Variants in F8 observed in about 807,000 individuals in gnomAD.
The protein encoded by F8 is coagulation factor VIII.
A neutral mutation model predicts 140.6 loss-of-function variants in F8; 12 were observed. The ratio of observed to expected loss-of-function variants is 0.09; its 90% CI spans 0.05 to 0.14. F8 has a LOEUF of 0.14. Ranked by LOEUF, F8 falls within the 10% of genes least tolerant of loss-of-function variation. The pLI is 1.00. For missense variants in F8, 1,354 were observed against 1,720.7 expected, an observed-to-expected ratio of 0.79 and a Z score of 3.77; for synonymous variants, 585 against 614.6, an observed-to-expected ratio of 0.95 and a Z score of 0.71.
chrX:154,843,045 T>G (rs1169067821), intron 25 of F8, among the ~76,000 whole-genome samples: 1 of 111,071 alleles, frequency 9.0e-6, no homozygotes, highest in Non-Finnish European at 1.9e-5. Flanking sequence ...GAACATGCGG[T>G]GTTTGGTTTT....
At chrX:154,978,331 A>G (rs1410655253) in intron 6 of F8, among the ~76,000 whole-genome samples, 11 of 111,254 alleles carry the variant, frequency 9.9e-5, no homozygotes, top group Non-Finnish European at 1.9e-4. Context: ...GTAAACTATG[A>G]TTTTTTTATT....
intron 4 of F8, among the ~76,000 whole-genome samples, chrX:154,989,608 A>C (rs965595061): frequency 6.2e-5 from 7 of 112,298 alleles, no homozygotes; most frequent in Admixed American, 9.5e-5. Context: ...CTAATGGTTA[A>C]TGATGTTGAA....
intron 14 of F8, chrX:154,919,698 G>A: frequency 2.4e-6 from 1 of 418,823 alleles, no homozygotes; most frequent in Non-Finnish European, 4.0e-6. Flanking sequence ...CTGCTCCTGT[G>A]TTGCCAGTCT....
Position 154,966,644 on chromosome X carries a change from T to C in F8, c.1053A>G (p.Glu351=), listed in dbSNP as rs2073425947. The change falls in exon 8 of 26, where the codon GAA becomes GAG. Residue 351 remains glutamate (E), a synonymous_variant. Coordinates refer to ENST00000360256, the MANE Select transcript of F8 (RefSeq NM_000132.4). ...AYVKVDSCPE[E]PQLRMKNNEE... ...CATTATTTTTCATTCGTAGTTGGGGTTCCTCTGGACAGCTGTCTACTTTGA... is the reference window on the plus strand; with the variant it reads ...CATTATTTTTCATTCGTAGTTGGGGCTCCTCTGGACAGCTGTCTACTTTGA... The C allele has an allele frequency of 1.7e-6, 2 of 1,209,650 alleles. No homozygotes were observed. Among genetic ancestry groups the C allele is most frequent in the Admixed American group, 2.2e-5 (1 of 45,714 alleles).
Position 154,860,471 on chromosome X carries a change from G to C in F8, c.6861C>G (p.Gly2287=). 1 of 1,211,032 alleles carries C rather than the reference G, an allele frequency of 8.3e-7. No homozygotes were observed. The highest frequency in any genetic ancestry group is 1.1e-6 in the Non-Finnish European group (1 of 895,065). ...TCTGAAAAAAGAGAGTCCACTGATG[G>C]CCATCTTGACTGCTGGAGATGAGGA... ...KEFLISSSQD[G]HQWTLFFQNG... is the part of the protein sequence containing the mutation. Residue 2287 remains glycine (G), a synonymous_variant, in exon 25 of 26, where the codon GGC becomes GGG. Coordinates refer to ENST00000360256, the MANE Select transcript of F8 (RefSeq NM_000132.4).
At chrX:154,913,109 G>T (rs2073076653) in intron 14 of F8, among the ~76,000 whole-genome samples, 1 of 111,179 alleles carries the variant, frequency 9.0e-6, no homozygotes, top group Non-Finnish European at 1.9e-5. Context: ...TCAATTAATT[G>T]AAAAAATGAA....
rs1313530423 is a variant in F8, at chrX:154,837,513, G to GT, written c.*83dup. On this transcript the variant is annotated 3_prime_UTR_variant, in exon 26 of 26. Transcript: ENST00000360256. ...GTGTCTGCTAGGATTTAGCACAAAG[G>GT]TAGAAGGCAAGCCAGGGAGGGACAC... 1.9e-6 allele frequency: 2 copies of GT among 1,070,857 alleles called. No homozygotes were observed. The highest frequency in any genetic ancestry group is 3.7e-5 in the African/African-American group (2 of 54,550). 88.3% of individuals were successfully genotyped at this position (1,070,857 alleles called of 1,213,427 possible).
intron 22 of F8, among the ~76,000 whole-genome samples, chrX:154,880,022 T>C (rs1302037664): frequency 8.9e-6 from 1 of 111,961 alleles, no homozygotes; most frequent in Non-Finnish European, 1.9e-5. Context: ...TAGTTCTTTA[T>C]AGCAGTGTGA....
At chrX:154,916,932 C>A (rs1346739283) in intron 14 of F8, among the ~76,000 whole-genome samples, 2 of 110,524 alleles carry the variant, frequency 1.8e-5, no homozygotes, top group East Asian at 5.6e-4. Flanking sequence ...TAGCTATAAA[C>A]TTCTCTCTTA....
chrX:155,003,022 C>T (rs1162129493), intron 1 of F8, among the ~76,000 whole-genome samples: 1 of 111,659 alleles, frequency 9.0e-6, no homozygotes, highest in Non-Finnish European at 1.9e-5. Context: ...ATAGCCAGTA[C>T]ATCATGTCCA....
intron 22 of F8, among the ~76,000 whole-genome samples, chrX:154,888,416 A>C (rs2072915926): frequency 9.0e-5 from 1 of 11,051 alleles, no homozygotes; most frequent in Non-Finnish European, 1.7e-4. Flanking sequence ...TCCCCCCGAG[A>C]TGGAGTCTCA....
chrX:154,844,600 G>A (rs1482923211), intron 25 of F8, among the ~76,000 whole-genome samples: 1 of 110,412 alleles, frequency 9.1e-6, no homozygotes, highest in African/African-American at 3.3e-5. Flanking sequence ...TTTGTCTGTT[G>A]TTGGTGTATA....
At chrX:154,983,441 G>C (rs2073540627) in intron 6 of F8, among the ~76,000 whole-genome samples, 2 of 111,925 alleles carry the variant, frequency 1.8e-5, no homozygotes. Flanking sequence ...AGTGGATCTT[G>C]TGAAAATAGA....
At chrX:154,926,527 C>G (rs2073161253) in intron 14 of F8, among the ~76,000 whole-genome samples, 1 of 111,005 alleles carries the variant, frequency 9.0e-6, no homozygotes, top group Admixed American at 9.6e-5. Context: ...AGGTGTGCAC[C>G]ACCACGCCTG....
At chrX:154,865,524 A>G (rs1041841579) in intron 22 of F8, among the ~76,000 whole-genome samples, 3 of 111,315 alleles carry the variant, frequency 2.7e-5, no homozygotes, top group African/African-American at 9.8e-5. Context: ...AAATTTGTCA[A>G]TGGAAACACA....
At chrX:154,867,383 A>G (rs1557273219) in intron 22 of F8, among the ~76,000 whole-genome samples, 1 of 111,319 alleles carries the variant, frequency 9.0e-6, no homozygotes. Context: ...AAACAACACT[A>G]GAAAAGAAAA....
intron 11 of F8, 53 bp downstream of exon 11, chrX:154,956,904 A>G: frequency 1.0e-6 from 1 of 957,012 alleles, no homozygotes; most frequent in Non-Finnish European, 1.5e-6. Context: ...TTCAGGTTAT[A>G]AGGGGACATA....
chrX:154,918,364 G>C (rs1168616359), intron 14 of F8, among the ~76,000 whole-genome samples: 1 of 111,096 alleles, frequency 9.0e-6, no homozygotes, highest in African/African-American at 3.3e-5. Context: ...TGCTAGCCCC[G>C]CCTCCATCCT....
intron 6 of F8, 133 bp from the exon 7 acceptor site, chrX:154,969,685 G>A: frequency 1.8e-6 from 1 of 549,465 alleles, no homozygotes; most frequent in Non-Finnish European, 3.0e-6. Context: ...AATTTATCAA[G>A]AACATTGGGC....
Sources: gnomAD v4.1 joint callset for allele counts (sites outside exome capture counted in the v4.1 genomes callset) on GRCh38, gnomAD v4.1.1 for gene constraint, MANE v1.5 for transcripts, NCBI Gene and HGNC (gene_info 2026-07-23, HGNC 2026-07-21) for gene names.